The following BMPR1A variants were observed in gnomAD, a reference collection of about 807,000 sequenced individuals.
BMPR1A encodes bone morphogenetic protein receptor type 1A, also known as bone morphogenetic protein receptor type-1A.
BMPR1A carries 7 observed loss-of-function variants against 66.0 expected under a neutral mutation model. The observed-to-expected ratio is 0.11, with a 90% CI of 0.06 to 0.20. The LOEUF (loss-of-function observed/expected upper bound fraction) is 0.20. Ranked by LOEUF, BMPR1A falls within the 10% of genes least tolerant of loss-of-function variation. The pLI is 1.00. For synonymous variants in BMPR1A, 200 were observed against 229.7 expected (o/e 0.87, Z 1.17); for missense variants, 408 against 669.1 (o/e 0.61, Z 4.31).
At chr10:86,771,812 A>C (rs1294185683) in intron 1 of BMPR1A, among the ~76,000 whole-genome samples, 1 of 152,166 alleles carries the variant, frequency 6.6e-6, no homozygotes, top group Non-Finnish European at 1.5e-5. Flanking sequence ...CCCAGGCAGG[A>C]GTGCAGTGGT....
rs1324228194 is a variant in BMPR1A at position 86,885,043 on chromosome 10, ATCTTT to A, written c.68-5009_68-5005del. 5.9e-5 allele frequency among the ~76,000 whole-genome samples: 9 copies of A among 152,286 alleles called. No homozygotes were observed. The East Asian group carries it at 1.2e-3, about 20-fold the overall frequency. On this transcript the variant is annotated intron_variant, in intron 3 of 12. Coordinates refer to ENST00000372037, the MANE Select transcript of BMPR1A (RefSeq NM_004329.3). Reference sequence around the variant, plus strand: ...CTATGCTTTCTGGCCCTGCCGCAAAATCTTTTCTTTTCTTCTCCCTTTGATTTTCC... The same window carrying A: ...CTATGCTTTCTGGCCCTGCCGCAAAATCTTTTCTTCTCCCTTTGATTTTCC...
At chr10:86,891,188 A>C (rs1352409256) in intron 4 of BMPR1A, among the ~76,000 whole-genome samples, 1 of 152,128 alleles carries the variant, frequency 6.6e-6, no homozygotes, top group Non-Finnish European at 1.5e-5. Flanking sequence ...TGCGTGGCTG[A>C]CTGTGACTAG....
chr10:86,808,387 C>T (rs1468737495), intron 1 of BMPR1A, among the ~76,000 whole-genome samples: 1 of 152,086 alleles, frequency 6.6e-6, no homozygotes, highest in East Asian at 1.9e-4. Context: ...TTCCTATTTT[C>T]AGTATCATTG....
chr10:86,898,209 ACTTT>A (rs1296843006), intron 5 of BMPR1A, among the ~76,000 whole-genome samples: 1 of 151,924 alleles, frequency 6.6e-6, no homozygotes, highest in African/African-American at 2.4e-5. Flanking sequence ...TTTAAAGTCT[ACTTT>A]CTTTCCCTTT....
At chr10:86,876,142 G>C (rs1271908851) in intron 3 of BMPR1A, 57 bp downstream of exon 3, 1 of 1,506,144 alleles carries the variant, frequency 6.6e-7, no homozygotes. Context: ...ACTATTTCTT[G>C]CTTCTGTTCT....
intron 1 of BMPR1A, among the ~76,000 whole-genome samples, chr10:86,795,341 T>G (rs1377755527): frequency 6.6e-6 from 1 of 152,170 alleles, no homozygotes; most frequent in Non-Finnish European, 1.5e-5. Flanking sequence ...TCATTTATAA[T>G]TGGCTTGTCT....
chr10:86,878,987 A>G (rs1452833448), intron 3 of BMPR1A, among the ~76,000 whole-genome samples: 1 of 152,232 alleles, frequency 6.6e-6, no homozygotes, highest in Non-Finnish European at 1.5e-5. Flanking sequence ...AAAAAATTAA[A>G]AGAGCTTAAA....
At chr10:86,844,243 A>G (rs891381880) in intron 2 of BMPR1A, among the ~76,000 whole-genome samples, 2 of 152,240 alleles carry the variant, frequency 1.3e-5, no homozygotes, top group South Asian at 4.1e-4. Flanking sequence ...CTCTTTTACA[A>G]AAGCAGTTTT....
intron 2 of BMPR1A, chr10:86,855,164 A>G (rs1650756799): frequency 2.2e-6 from 1 of 450,352 alleles, no homozygotes; most frequent in Non-Finnish European, 3.9e-6. Flanking sequence ...TCAGGTGATC[A>G]ACCTGCTGGG....
intron 1 of BMPR1A, among the ~76,000 whole-genome samples, chr10:86,778,564 C>A (rs1841389389): frequency 1.3e-5 from 2 of 152,124 alleles, no homozygotes; most frequent in Admixed American, 1.3e-4. Flanking sequence ...TTAGCATATC[C>A]ATCATCTTAA....
intron 3 of BMPR1A, among the ~76,000 whole-genome samples, chr10:86,879,491 ATG>A (rs928863920): frequency 6.6e-5 from 10 of 152,192 alleles, no homozygotes; most frequent in Non-Finnish European, 1.2e-4. Flanking sequence ...CAGACCCTTA[ATG>A]TGTGTGTACA....
At chr10:86,818,218 C>A (rs1842064490) in intron 1 of BMPR1A, among the ~76,000 whole-genome samples, 2 of 152,128 alleles carry the variant, frequency 1.3e-5, no homozygotes, top group South Asian at 4.1e-4. Flanking sequence ...AGGGTTTCCC[C>A]ATGTTGGCCA....
chr10:86,871,047 G>A (rs1842848252), intron 2 of BMPR1A, among the ~76,000 whole-genome samples: 1 of 152,048 alleles, frequency 6.6e-6, no homozygotes, highest in South Asian at 2.1e-4. Flanking sequence ...CAACATTTCA[G>A]ACATTGTTCT....
chr10:86,762,759 G>C (rs1371891900), intron 1 of BMPR1A, among the ~76,000 whole-genome samples: 25 of 152,300 alleles, frequency 1.6e-4, no homozygotes, highest in Admixed American at 1.6e-3. Context: ...GAAGTCCAGG[G>C]AATGTTACAA....
intron 8 of BMPR1A, 123 bp downstream of exon 8, chr10:86,912,507 TAGAA>T (rs1302912438): frequency 8.2e-7 from 1 of 1,216,834 alleles, no homozygotes; most frequent in Non-Finnish European, 1.2e-6. Flanking sequence ...TCTCCTTATT[TAGAA>T]AGAGGTATGC....
chr10:86,803,266 A>C (rs1841837809), intron 1 of BMPR1A, among the ~76,000 whole-genome samples: 1 of 152,188 alleles, frequency 6.6e-6, no homozygotes, highest in Non-Finnish European at 1.5e-5. Context: ...TTTTATAAAG[A>C]GACAGCATCT....
intron 1 of BMPR1A, among the ~76,000 whole-genome samples, chr10:86,758,352 C>T (rs1306361248): frequency 6.7e-6 from 1 of 148,160 alleles, no homozygotes; most frequent in Non-Finnish European, 1.5e-5. Flanking sequence ...CTTAACCTTC[C>T]GTCAAAGAGG....
intron 7 of BMPR1A, among the ~76,000 whole-genome samples, chr10:86,911,997 T>TGATTTTGATA (rs1176700958): frequency 3.3e-5 from 5 of 152,224 alleles, no homozygotes; most frequent in Non-Finnish European, 7.3e-5. Flanking sequence ...ACTTCACATC[T>TGATTTTGATA]GATTTTGATA....
chr10:86,802,118 T>C (rs1252308973), intron 1 of BMPR1A, among the ~76,000 whole-genome samples: 1 of 152,108 alleles, frequency 6.6e-6, no homozygotes. Context: ...TCCTTTACTC[T>C]CTCAGTAGCA....
Sources: gnomAD v4.1 joint callset for allele counts (sites outside exome capture counted in the v4.1 genomes callset) on GRCh38, gnomAD v4.1.1 for gene constraint, MANE v1.5 for transcripts, NCBI Gene and HGNC (gene_info 2026-07-23, HGNC 2026-07-21) for gene names.